The following TXNL4B variants were observed in gnomAD, a reference collection of about 807,000 sequenced individuals.
TXNL4B encodes the protein thioredoxin like 4B.
In TXNL4B, 12 loss-of-function variants were observed where a neutral mutation model predicts 13.0. The ratio of observed to expected loss-of-function variants is 0.92; its 90% CI spans 0.59 to 1.49. TXNL4B has a LOEUF of 1.49. TXNL4B is among the 40% of genes most tolerant of loss of function. The probability of loss-of-function intolerance (pLI) is 0.00; values close to 1 mark genes in which losing one functional copy is unlikely to be tolerated. For missense variants in TXNL4B, 214 were observed against 173.6 expected, an observed-to-expected ratio of 1.23 and a Z score of -1.31; for synonymous variants, 59 against 58.9, an observed-to-expected ratio of 1.00 and a Z score of -0.01.
chr16:72,092,562 G>A (rs979464053), intron 1 of TXNL4B, among the ~76,000 whole-genome samples: 13 of 152,220 alleles, frequency 8.5e-5, no homozygotes, highest in African/African-American at 3.1e-4. Flanking sequence ...ACCAATGAAA[G>A]GGAAGGTCAA....
intron 1 of TXNL4B, among the ~76,000 whole-genome samples, chr16:72,091,942 A>G (rs1442475415): frequency 1.3e-5 from 2 of 152,238 alleles, no homozygotes; most frequent in Non-Finnish European, 2.9e-5. Flanking sequence ...TCCTTCTACT[A>G]CAATAATCTA....
chr16:72,089,692 TC>T (rs1247918681), intron 2 of TXNL4B, among the ~76,000 whole-genome samples: 1 of 152,226 alleles, frequency 6.6e-6, no homozygotes, highest in Non-Finnish European at 1.5e-5. Flanking sequence ...GTCTCCTTCC[TC>T]CCAATCCTCC....
intron 3 of TXNL4B, 77 bp downstream of exon 3, chr16:72,088,910 G>C: frequency 3.4e-6 from 4 of 1,193,188 alleles, no homozygotes; most frequent in Admixed American, 1.9e-5. Flanking sequence ...ACATCACATG[G>C]AAATAGGCAA....
At chr16:72,091,756 A>T (rs1049840106) in intron 1 of TXNL4B, among the ~76,000 whole-genome samples, 22 of 152,216 alleles carry the variant, frequency 1.4e-4, no homozygotes, top group Admixed American at 1.4e-3. Flanking sequence ...TACACGGCAA[A>T]CAGATCAATT....
At chr16:72,087,715 AGTGTAGTG>A (rs1330148922) in intron 3 of TXNL4B, among the ~76,000 whole-genome samples, 1 of 151,768 alleles carries the variant, frequency 6.6e-6, no homozygotes, top group African/African-American at 2.4e-5. Flanking sequence ...ACCAGACTGG[AGTGTAGTG>A]GTGCGTTCTC....
intron 2 of TXNL4B, 39 bp from the exon 3 acceptor site, chr16:72,089,177 G>C: frequency 6.4e-7 from 1 of 1,559,212 alleles, no homozygotes; most frequent in African/African-American, 1.4e-5. Context: ...CAATATGAGA[G>C]GCAGCTTAAT....
chr16:72,090,963 T>C (rs2041895832), intron 1 of TXNL4B, among the ~76,000 whole-genome samples, 177 bp from the exon 2 acceptor site: 2 of 152,222 alleles, frequency 1.3e-5, no homozygotes, highest in African/African-American at 4.8e-5. Flanking sequence ...CAGTTTTCAT[T>C]GTTCCCTCCC....
intron 2 of TXNL4B, chr16:72,089,990 T>C (rs1184680767): frequency 9.4e-6 from 4 of 424,736 alleles, no homozygotes; most frequent in Non-Finnish European, 1.9e-5. Context: ...CTCCTGCTTA[T>C]GACTGAGGGT....
At position 72,090,560 on chromosome 16, in the gene TXNL4B, C is replaced by A. The variant is rs190554445; in HGVS notation, c.132+58G>T. The A allele has an allele frequency of 1.5e-5, 23 of 1,575,046 alleles. No homozygotes were observed. The East Asian group carries it at 2.5e-4, about 17-fold the overall frequency. On this transcript the variant is annotated intron_variant, in intron 2 of 3. Coordinates refer to ENST00000268483, the MANE Select transcript of TXNL4B (RefSeq NM_017853.3). ...CTCCCTCTCATGTACTACTCAGATG[C>A]TGAAGTGAGAATATACAGATTATTA...
intron 3 of TXNL4B, 70 bp from the exon 4 acceptor site, chr16:72,086,872 T>C (rs1358207754): frequency 1.6e-6 from 2 of 1,244,132 alleles, no homozygotes; most frequent in African/African-American, 1.5e-5. Context: ...ACTTTCAGGA[T>C]AAACAAAATG....
rs761192941 is a variant in TXNL4B at position 72,089,099 on chromosome 16, T to G, written c.172A>C (p.Ile58Leu). The part of the protein sequence containing the change: ...TSSDLSKMAA[I>L]YLVDVDQTAV... ...GTTTGGTCCACATCTACCAGGTATATAGCAGCCATTTTACTTAAGTCAGAA... is the reference window on the plus strand; with the variant it reads ...GTTTGGTCCACATCTACCAGGTATAGAGCAGCCATTTTACTTAAGTCAGAA... The change falls in exon 3 of 4, where the codon ATA becomes CTA. Residue 58 changes from isoleucine (I) to leucine (L), a missense_variant. Physicochemically the swap from Ile to Leu is conservative, Grantham distance 5. Transcript: ENST00000268483. The G allele has an allele frequency of 5.0e-6, 8 of 1,612,850 alleles. No individual in the cohort carries two copies. The African/African-American group carries it at 1.1e-4, about 22-fold the overall frequency.
chr16:72,088,525 G>C (rs1390010623), intron 3 of TXNL4B, among the ~76,000 whole-genome samples: 1 of 152,234 alleles, frequency 6.6e-6, no homozygotes, highest in Non-Finnish European at 1.5e-5. Flanking sequence ...CTTTGCAAGA[G>C]AGAAGCACAT....
At chr16:72,090,146 C>CCCAGA (rs2041882235) in intron 2 of TXNL4B, 1 of 456,008 alleles carries the variant, frequency 2.2e-6, no homozygotes, top group African/African-American at 2.0e-5. Context: ...TTAGGTCTCT[C>CCCAGA]TCTGCATCAG....
intron 3 of TXNL4B, among the ~76,000 whole-genome samples, chr16:72,088,501 C>T (rs1422822458): frequency 6.6e-6 from 1 of 152,092 alleles, no homozygotes; most frequent in Non-Finnish European, 1.5e-5. Context: ...AATTCAATGG[C>T]GAAAAGCAGG....
chr16:72,090,607 C>A lies in TXNL4B; in HGVS notation c.132+11G>T. 6 of 1,612,812 alleles carry A rather than the reference C, an allele frequency of 3.7e-6. No homozygotes were observed. The highest frequency in any genetic ancestry group is 5.1e-6 in the Non-Finnish European group (6 of 1,179,550). ...ATTAATAAAAACCAATTATTTTAGA[C>A]ATTCACTTACAATATCATCTAGCTG... On this transcript the variant is annotated intron_variant, in intron 2 of 3. Transcript: ENST00000268483.
chr16:72,088,474 G>C (rs560092955), intron 3 of TXNL4B, among the ~76,000 whole-genome samples: 1 of 152,330 alleles, frequency 6.6e-6, no homozygotes, highest in African/African-American at 2.4e-5. Context: ...GACAGGCTTT[G>C]TTGAAGAATG....
chr16:72,093,968 C>G (rs111742588), upstream of TXNL4B: 2,461 of 152,626 alleles, frequency 0.016, 27 homozygotes, highest in Non-Finnish European at 0.025. Context: ...GATTTTGGCT[C>G]CTTGAGCCTG....
rs1469995466 is a variant in TXNL4B at position 72,086,543 on chromosome 16, A to T, written c.*94T>A. ...TCAAACCTCTTCTCCTCTGGGACAC[A>T]TGTTTCCAAAGGACTCCAGAAACAC... On this transcript the variant is annotated 3_prime_UTR_variant, in exon 4 of 4. Transcript: ENST00000268483. 69 of 1,235,202 alleles carry T rather than the reference A, an allele frequency of 5.6e-5. No homozygotes were observed. Among genetic ancestry groups the T allele is most frequent in the Non-Finnish European group, 1.1e-5 (10 of 877,020 alleles). 76.5% of individuals were successfully genotyped at this position (1,235,202 alleles called of 1,614,324 possible).
chr16:72,090,804 T>A lies in TXNL4B; in HGVS notation c.-37-18A>T. 5 of 1,609,344 alleles carry A rather than the reference T, an allele frequency of 3.1e-6. No homozygotes were observed. The highest frequency in any genetic ancestry group is 4.2e-6 in the Non-Finnish European group (5 of 1,177,070). ...TGTCACTCCTGAAATAAAGGTGCAA[T>A]GTTTAAAGACAGTTTAGATTAAGTG... On this transcript the variant is annotated intron_variant, in intron 1 of 3. Coordinates refer to ENST00000268483, the MANE Select transcript of TXNL4B (RefSeq NM_017853.3).
Sources: gnomAD v4.1 joint callset for allele counts (sites outside exome capture counted in the v4.1 genomes callset) on GRCh38, gnomAD v4.1.1 for gene constraint, MANE v1.5 for transcripts, NCBI Gene and HGNC (gene_info 2026-07-23, HGNC 2026-07-21) for gene names.